UBE2K: variants seen among roughly 807,000 people sequenced by gnomAD.
UBE2K encodes ubiquitin-conjugating enzyme E2 K.
UBE2K carries 6 observed loss-of-function variants against 30.0 expected under a neutral mutation model. That is an observed-to-expected ratio of 0.20 (90% CI 0.11 to 0.39). The LOEUF (loss-of-function observed/expected upper bound fraction) is 0.39, where lower values mean the gene tolerates loss of function less well. UBE2K is among the 10% of genes least tolerant of loss of function. The pLI, the probability that UBE2K is intolerant of heterozygous loss-of-function variation, is 1.00. For missense variants in UBE2K, 61 were observed against 241.6 expected (o/e 0.25, Z 4.96); for synonymous variants, 86 against 83.7 (o/e 1.03, Z -0.15).
At chr4:39,762,038 G>C (rs1362551828) in intron 4 of UBE2K, among the ~76,000 whole-genome samples, 1 of 151,800 alleles carries the variant, frequency 6.6e-6, no homozygotes, top group East Asian at 1.9e-4. Flanking sequence ...AATTAGCCGG[G>C]CGTAGTGGCA....
In UBE2K at chr4:39,704,429, CTG is replaced by C. The variant is rs1434164674; in HGVS notation, c.63+6042_63+6043del. 2.0e-5 allele frequency among the ~76,000 whole-genome samples: 3 copies of C among 151,952 alleles called. No individual in the cohort carries two copies. The East Asian group carries it at 5.8e-4, about 29-fold the overall frequency. On this transcript the variant is annotated intron_variant, in intron 1 of 6. Transcript: ENST00000261427. The stretch of plus-strand genomic sequence containing the variant: ...AGATTGGGTTAAAAAAAATCAAAGT[CTG>C]TGCAGGTAATATGTTTGGGGTGAAT...
Position 39,781,664 on chromosome 4 carries a change from G to A in UBE2K, c.*3230G>A. On this transcript the variant is annotated 3_prime_UTR_variant, in exon 7 of 7. Coordinates refer to ENST00000261427, the MANE Select transcript of UBE2K (RefSeq NM_005339.5). ...AAGATTTAAGATGGATTGGGGTAGG[G>A]AACAGCTGGAGCCAGGTATACCTTC... The A allele has an allele frequency of 2.9e-6, 1 of 350,410 alleles. No individual in the cohort carries two copies. Among genetic ancestry groups the A allele is most frequent in the Non-Finnish European group, 5.1e-6 (1 of 195,704 alleles). 21.7% of individuals were successfully genotyped at this position (350,410 alleles called of 1,614,324 possible).
At chr4:39,760,615 T>C (rs924070836) in intron 4 of UBE2K, among the ~76,000 whole-genome samples, 1 of 152,178 alleles carries the variant, frequency 6.6e-6, no homozygotes, top group South Asian at 2.1e-4. Flanking sequence ...AAAAATACGA[T>C]AGCCCAGCGC....
chr4:39,705,342 C>G (rs1347082467), intron 1 of UBE2K, among the ~76,000 whole-genome samples: 4 of 150,530 alleles, frequency 2.7e-5, no homozygotes, highest in African/African-American at 9.8e-5. Flanking sequence ...GTATTACAGG[C>G]GCACCCCACC....
rs146565301 is a variant in UBE2K at position 39,765,908 on chromosome 4, T to TATACATACATACATAC, written c.300-8908_300-8893dup. On this transcript the variant is annotated intron_variant, in intron 4 of 6. Transcript: ENST00000261427. ...GGATCACCTGAAGTCAGGATATATA[T>TATACATACATACATAC]ATACATACATACATACATACATACA... Among the ~76,000 whole-genome samples the TATACATACATACATAC allele has an allele frequency of 3.4e-3, 509 of 149,746 alleles. 1 individual carries two copies. The highest frequency in any genetic ancestry group is 9.3e-3 in the African/African-American group (379 of 40,648).
chr4:39,719,579 G>A (rs1415351983), intron 1 of UBE2K, among the ~76,000 whole-genome samples: 25 of 152,132 alleles, frequency 1.6e-4, no homozygotes, highest in Admixed American at 1.6e-3. Context: ...GTGTGATTAT[G>A]GATTTTTCTA....
intron 1 of UBE2K, among the ~76,000 whole-genome samples, chr4:39,714,826 GGCGTAAGCCACCGT>G (rs1718954761): frequency 6.6e-6 from 1 of 151,296 alleles, no homozygotes; most frequent in Non-Finnish European, 1.5e-5. Context: ...TGGGATTACA[GGCGTAAGCCACCGT>G]GCTTGGCCCA....
intron 1 of UBE2K, among the ~76,000 whole-genome samples, chr4:39,717,669 C>A (rs966088601): frequency 2.0e-5 from 3 of 152,196 alleles, no homozygotes; most frequent in African/African-American, 4.8e-5. Context: ...GTTCTTGTGT[C>A]CGGAATTGGT....
At chr4:39,731,040 C>T (rs1720045155) in intron 1 of UBE2K, among the ~76,000 whole-genome samples, 1 of 151,934 alleles carries the variant, frequency 6.6e-6, no homozygotes. Flanking sequence ...GGCTAGAGTG[C>T]AGTGGCACGA....
intron 3 of UBE2K, among the ~76,000 whole-genome samples, chr4:39,752,298 T>C (rs1460715048): frequency 2.1e-5 from 3 of 142,866 alleles, no homozygotes; most frequent in Admixed American, 7.1e-5. Context: ...GCGCCCGCCA[T>C]CACGCCTGGC....
intron 1 of UBE2K, among the ~76,000 whole-genome samples, chr4:39,735,314 A>T (rs186933844): frequency 3.6e-4 from 55 of 152,316 alleles, no homozygotes; most frequent in African/African-American, 1.3e-3. Context: ...GGTTCAAGTG[A>T]TTCTCCTGCC....
Position 39,740,788 on chromosome 4 carries a change from G to A in UBE2K, c.157+3275G>A, listed in dbSNP as rs867233254. ...TGAGGCAGGAGAATGGTGTGAACCC[G>A]GGAGGCGGAGCTTGCAGTGAGCCGA... is the stretch of plus-strand genomic sequence containing the variant. On this transcript the variant is annotated intron_variant, in intron 2 of 6. Coordinates refer to ENST00000261427, the MANE Select transcript of UBE2K (RefSeq NM_005339.5). Among the ~76,000 whole-genome samples the A allele has an allele frequency of 5.0e-4, 74 of 149,230 alleles. 1 individual carries two copies. Among genetic ancestry groups the A allele is most frequent in the Admixed American group, 8.6e-4 (13 of 15,032 alleles).
At chr4:39,771,408 G>C in intron 4 of UBE2K, 1 of 1,610,588 alleles carries the variant, frequency 6.2e-7, no homozygotes, top group Non-Finnish European at 8.5e-7. Flanking sequence ...CGGGCAGCTG[G>C]AAGCGCAGGA....
At chr4:39,740,718 C>A (rs1370545607) in intron 2 of UBE2K, among the ~76,000 whole-genome samples, 2 of 150,764 alleles carry the variant, frequency 1.3e-5, no homozygotes, top group Admixed American at 6.6e-5. Context: ...AAAAAATTAG[C>A]CAGGCGTGAT....
chr4:39,716,643 T>C (rs1490959004), intron 1 of UBE2K, among the ~76,000 whole-genome samples: 2 of 152,192 alleles, frequency 1.3e-5, no homozygotes, highest in African/African-American at 4.8e-5. Context: ...GGAGGATTGC[T>C]TGAGCCCAGG....
chr4:39,766,299 T>A (rs924187539), intron 4 of UBE2K, among the ~76,000 whole-genome samples: 1 of 152,144 alleles, frequency 6.6e-6, no homozygotes, highest in African/African-American at 2.4e-5. Context: ...GGCTAACAAT[T>A]ACCATTTTTT....
intron 6 of UBE2K, among the ~76,000 whole-genome samples, chr4:39,778,097 C>CAAAAAAAAAA (rs36215155): frequency 1.9e-5 from 1 of 51,734 alleles, no homozygotes; most frequent in Non-Finnish European, 3.4e-5. Flanking sequence ...GACCCTGTCT[C>CAAAAAAAAAA]AAAAAAAAAA....
chr4:39,743,727 A>G (rs946471100), intron 2 of UBE2K, among the ~76,000 whole-genome samples: 1 of 152,224 alleles, frequency 6.6e-6, no homozygotes, highest in African/African-American at 2.4e-5. Context: ...AGTCTTATAA[A>G]TAAATATTTC....
At chr4:39,707,126 T>A (rs1380122139) in intron 1 of UBE2K, among the ~76,000 whole-genome samples, 2 of 152,034 alleles carry the variant, frequency 1.3e-5, no homozygotes, top group African/African-American at 2.4e-5. Flanking sequence ...ACCAGGCTGG[T>A]CTCACACTCC....
Sources: gnomAD v4.1 joint callset for allele counts (sites outside exome capture counted in the v4.1 genomes callset) on GRCh38, gnomAD v4.1.1 for gene constraint, MANE v1.5 for transcripts, NCBI Gene and HGNC (gene_info 2026-07-23, HGNC 2026-07-21) for gene names.